MSI2: variants seen among roughly 807,000 people sequenced by gnomAD.
MSI2 encodes the protein musashi RNA binding protein 2, also known as RNA-binding protein Musashi homolog 2.
Under a neutral mutation model 45.6 loss-of-function variants are expected in MSI2, and 17 were observed. That is an observed-to-expected ratio of 0.37 (90% confidence interval 0.26 to 0.56). The LOEUF (loss-of-function observed/expected upper bound fraction) is 0.56. MSI2 is among the 20% of genes least tolerant of loss of function. The probability of loss-of-function intolerance (pLI) is 0.77; values close to 1 mark genes in which losing one functional copy is unlikely to be tolerated. For synonymous variants in MSI2, 156 were observed against 158.2 expected (o/e 0.99, Z 0.11); for missense variants, 293 against 444.2 (o/e 0.66, Z 3.06).
At chr17:57,493,189 C>G (rs2085910473) in intron 6 of MSI2, among the ~76,000 whole-genome samples, 1 of 152,182 alleles carries the variant, frequency 6.6e-6, no homozygotes, top group Non-Finnish European at 1.5e-5. Flanking sequence ...GAGCAATCAT[C>G]TTTGCTTCAT....
intron 6 of MSI2, among the ~76,000 whole-genome samples, chr17:57,496,369 A>G (rs561256547): frequency 6.6e-6 from 1 of 152,190 alleles, no homozygotes; most frequent in South Asian, 2.1e-4. Flanking sequence ...CTCCAGCCCA[A>G]TCCCCCTCTC....
At chr17:57,523,025 C>T (rs1245659414) in intron 6 of MSI2, 1 of 152,106 alleles carries the variant, frequency 6.6e-6, no homozygotes, top group Admixed American at 6.6e-5. Flanking sequence ...TTTTGACCTC[C>T]CTCCATGTAC....
At chr17:57,485,850 G>A (rs1015177327) in intron 6 of MSI2, among the ~76,000 whole-genome samples, 2 of 152,240 alleles carry the variant, frequency 1.3e-5, no homozygotes, top group African/African-American at 4.8e-5. Flanking sequence ...TGGCCGTGGA[G>A]GGGAGGGCAT....
Position 57,497,745 on chromosome 17 carries a change from G to A in MSI2, c.406-31931G>A, listed in dbSNP as rs560218102. 1.1e-4 allele frequency among the ~76,000 whole-genome samples: 17 copies of A among 152,320 alleles called. No individual in the cohort carries two copies. The East Asian group carries it at 3.3e-3, about 29-fold the overall frequency. ...TCTGAAGGAGCAAGCAGCTTGGGCT[G>A]TGCATGTAACAAGTCACCAGGTGTG... On this transcript the variant is annotated intron_variant, in intron 6 of 13. Transcript: ENST00000284073.
At chr17:57,495,532 CAAAAA>C (rs56325646) in intron 6 of MSI2, among the ~76,000 whole-genome samples, 1 of 72,620 alleles carries the variant, frequency 1.4e-5, no homozygotes, top group African/African-American at 5.9e-5. Flanking sequence ...GACTCTGTCT[CAAAAA>C]AAAAAAAAAA....
chr17:57,328,384 C>T (rs1280255906), intron 5 of MSI2, among the ~76,000 whole-genome samples: 1 of 152,214 alleles, frequency 6.6e-6, no homozygotes, highest in Non-Finnish European at 1.5e-5. Flanking sequence ...ATCCTTCATC[C>T]ATCAATCCAT....
rs191151869 is a variant in MSI2, at chr17:57,542,299, C to T, written c.454+12575C>T. 3.4e-3 allele frequency among the ~76,000 whole-genome samples: 520 copies of T among 152,356 alleles called. 1 individual carries two copies. Among genetic ancestry groups the T allele is most frequent in the African/African-American group, 0.012 (495 of 41,586 alleles). ...AAGGGACCTTTCCCAAAGTTCATCTCTTCCCTTACGTTCTTCTAGTTGGAA... is the reference window on the plus strand; with the variant it reads ...AAGGGACCTTTCCCAAAGTTCATCTTTTCCCTTACGTTCTTCTAGTTGGAA... On this transcript the variant is annotated intron_variant, in intron 7 of 13. Coordinates refer to ENST00000284073, the MANE Select transcript of MSI2 (RefSeq NM_138962.4).
Position 57,529,092 on chromosome 17 carries a change from T to G in MSI2, c.406-584T>G, listed in dbSNP as rs187060054. Reference sequence around the variant, plus strand: ...ACAAAAGGACAAATTCCATATACTATATGATTTAAACTATATTGAAATAGT... The same window carrying G: ...ACAAAAGGACAAATTCCATATACTAGATGATTTAAACTATATTGAAATAGT... On this transcript the variant is annotated intron_variant, in intron 6 of 13. Transcript: ENST00000284073. The surrounding 1 kb of genome is among the most constrained non-coding windows in gnomAD (Gnocchi z 5.3). Among the ~76,000 whole-genome samples the G allele has an allele frequency of 1.3e-5, 2 of 152,142 alleles. No individual in the cohort carries two copies. Among genetic ancestry groups the G allele is most frequent in the African/African-American group, 4.8e-5 (2 of 41,416 alleles).
At chr17:57,488,108 C>T (rs1007489732) in intron 6 of MSI2, among the ~76,000 whole-genome samples, 1 of 152,088 alleles carries the variant, frequency 6.6e-6, no homozygotes, top group African/African-American at 2.4e-5. Flanking sequence ...AGCCAAGCCA[C>T]CTTCATTTGT....
At chr17:57,376,617 A>G (rs868517316) in intron 5 of MSI2, among the ~76,000 whole-genome samples, 1 of 152,224 alleles carries the variant, frequency 6.6e-6, no homozygotes, top group Middle Eastern at 3.2e-3. Context: ...CTAAAGGTAG[A>G]CAGCAGAAAT....
intron 5 of MSI2, among the ~76,000 whole-genome samples, chr17:57,362,539 CT>C (rs1243022385): frequency 7.9e-5 from 12 of 152,304 alleles, no homozygotes; most frequent in African/African-American, 2.9e-4. Flanking sequence ...GATCCGTCAA[CT>C]GTTGCAACAG....
intron 7 of MSI2, among the ~76,000 whole-genome samples, chr17:57,567,157 T>G (rs1006714966): frequency 6.6e-6 from 1 of 152,184 alleles, no homozygotes; most frequent in Non-Finnish European, 1.5e-5. Flanking sequence ...GTTTAAAACA[T>G]TGCTATCAAC....
chr17:57,616,180 C>T (rs1266514705), intron 9 of MSI2, 96 bp downstream of exon 9: 3 of 830,540 alleles, frequency 3.6e-6, no homozygotes, highest in Admixed American at 2.2e-5. Context: ...CAAACTGCTT[C>T]ACCTTTCTAA....
At chr17:57,461,596 A>G in intron 6 of MSI2, among the ~76,000 whole-genome samples, 1 of 146,878 alleles carries the variant, frequency 6.8e-6, no homozygotes, top group African/African-American at 2.6e-5. Context: ...AGTGCAGTGG[A>G]GCGATCTCAG....
At chr17:57,295,568 T>C (rs77030584) in intron 5 of MSI2, among the ~76,000 whole-genome samples, 274 of 152,260 alleles carry the variant, frequency 1.8e-3, no homozygotes, top group African/African-American at 5.2e-3. Context: ...ATAGGCTCTA[T>C]CTGTTAAGGA....
At chr17:57,271,263 C>T (rs947202208) in intron 5 of MSI2, among the ~76,000 whole-genome samples, 4 of 152,144 alleles carry the variant, frequency 2.6e-5, no homozygotes, top group African/African-American at 4.8e-5. Context: ...TTCTCTCAAA[C>T]GTCCTGAAAT....
intron 7 of MSI2, among the ~76,000 whole-genome samples, chr17:57,537,318 G>T (rs1023761312): frequency 1.3e-5 from 2 of 152,122 alleles, no homozygotes; most frequent in Non-Finnish European, 2.9e-5. Context: ...GCCTTGCAGG[G>T]CTGTATCCCC....
At chr17:57,325,470 A>G (rs950288608) in intron 5 of MSI2, among the ~76,000 whole-genome samples, 3 of 152,262 alleles carry the variant, frequency 2.0e-5, no homozygotes, top group African/African-American at 7.2e-5. Flanking sequence ...ATTATTAAAA[A>G]CAAAAAAAGA....
In MSI2 at chr17:57,300,278, T is replaced by C. The variant is rs370775517; in HGVS notation, c.312+38086T>C. ...TTTAGCAGCCAGATTGGAAGCTTCCTGAGGGTGGGAATTTTTATCTTGCTT... is the reference window on the plus strand; with the variant it reads ...TTTAGCAGCCAGATTGGAAGCTTCCCGAGGGTGGGAATTTTTATCTTGCTT... On this transcript the variant is annotated intron_variant, in intron 5 of 13. Coordinates refer to ENST00000284073, the MANE Select transcript of MSI2 (RefSeq NM_138962.4). 3.0e-4 allele frequency among the ~76,000 whole-genome samples: 46 copies of C among 152,292 alleles called. 1 individual carries two copies. In the East Asian group the frequency reaches 5.4e-3, roughly 18 times the overall value.
Sources: gnomAD v4.1 joint callset for allele counts (sites outside exome capture counted in the v4.1 genomes callset) on GRCh38, gnomAD v4.1.1 for gene constraint, Gnocchi (gnomAD v3.1) non-coding constraint, MANE v1.5 for transcripts, NCBI Gene and HGNC (gene_info 2026-07-23, HGNC 2026-07-21) for gene names.